Variants in HECTD4 observed in about 807,000 individuals in gnomAD.
HECTD4 encodes probable E3 ubiquitin-protein ligase HECTD4.
In HECTD4, 114 loss-of-function variants were observed where a neutral mutation model predicts 471.5. The observed-to-expected ratio is 0.24, with a 90% CI of 0.21 to 0.28. The LOEUF is 0.28. Ranked by LOEUF, HECTD4 falls within the 10% of genes least tolerant of loss-of-function variation. The probability of loss-of-function intolerance (pLI) is 1.00; values close to 1 mark genes in which losing one functional copy is unlikely to be tolerated. For missense variants in HECTD4, 3,866 were observed against 5,651.5 expected, an observed-to-expected ratio of 0.68 and a Z score of 10.13; for synonymous variants, 2,012 against 2,256.0, an observed-to-expected ratio of 0.89 and a Z score of 3.07.
At chr12:112,378,336 A>G (rs2036822522) in intron 1 of HECTD4, among the ~76,000 whole-genome samples, 1 of 151,810 alleles carries the variant, frequency 6.6e-6, no homozygotes, top group Non-Finnish European at 1.5e-5. Context: ...CTCCTGCCTC[A>G]GCCTCCCGAG....
At chr12:112,344,649 T>A (rs1231049965) in intron 1 of HECTD4, among the ~76,000 whole-genome samples, 1 of 152,196 alleles carries the variant, frequency 6.6e-6, no homozygotes, top group Non-Finnish European at 1.5e-5. Context: ...CCAGATGTGG[T>A]AGCTCACACC....
At chr12:112,189,899 A>G (rs1270514106) in intron 60 of HECTD4, among the ~76,000 whole-genome samples, 2 of 152,068 alleles carry the variant, frequency 1.3e-5, no homozygotes, top group Non-Finnish European at 2.9e-5. Flanking sequence ...GACTACAGGC[A>G]TGCACCACCA....
intron 67 of HECTD4, among the ~76,000 whole-genome samples, chr12:112,171,543 C>T (rs995017287): frequency 5.9e-5 from 9 of 152,214 alleles, no homozygotes; most frequent in Admixed American, 2.6e-4. Context: ...CTGTGCACTA[C>T]GTTAGTTTTT....
chr12:112,320,733 T>G (rs913019850), intron 1 of HECTD4, among the ~76,000 whole-genome samples: 2 of 152,170 alleles, frequency 1.3e-5, no homozygotes, highest in Non-Finnish European at 2.9e-5. Context: ...TAACTCCTAT[T>G]ACCAGATAGA....
chr12:112,356,412 T>C (rs1034903635), intron 1 of HECTD4, among the ~76,000 whole-genome samples: 2 of 152,052 alleles, frequency 1.3e-5, no homozygotes, highest in Non-Finnish European at 1.5e-5. Flanking sequence ...ACTCTCTTTC[T>C]GGTGTGTGTT....
chr12:112,291,416 A>G (rs2034882657), intron 7 of HECTD4, among the ~76,000 whole-genome samples: 2 of 152,118 alleles, frequency 1.3e-5, no homozygotes, highest in Admixed American at 6.5e-5. Context: ...TGAGTCCATA[A>G]TTCAATTTCC....
chr12:112,323,021 G>A (rs950521850), intron 1 of HECTD4: 12 of 197,916 alleles, frequency 6.1e-5, no homozygotes, highest in African/African-American at 2.9e-4. Context: ...GCAGGACAAA[G>A]AAAGGCTGCA....
intron 37 of HECTD4, 84 bp downstream of exon 37, chr12:112,234,993 T>C (rs1001302103): frequency 2.4e-6 from 3 of 1,251,826 alleles, no homozygotes; most frequent in South Asian, 1.5e-5. Flanking sequence ...AGGCAGTCGA[T>C]ACATGTACAG....
chr12:112,171,870 C>T lies in HECTD4; in HGVS notation c.11786-607G>A, dbSNP rs560547048. On this transcript the variant is annotated intron_variant, in intron 67 of 75. Transcript: ENST00000682272. ...TCGCCAATACCTTGTAAACGGGGGGCGTCTGGGAATTAACAATTTATTTTT... is the reference window on the plus strand; with the variant it reads ...TCGCCAATACCTTGTAAACGGGGGGTGTCTGGGAATTAACAATTTATTTTT... 1.8e-4 allele frequency among the ~76,000 whole-genome samples: 27 copies of T among 152,234 alleles called. 1 individual carries two copies. In the South Asian group the frequency reaches 4.2e-3, roughly 23 times the overall value.
intron 2 of HECTD4, among the ~76,000 whole-genome samples, chr12:112,314,759 T>C (rs1269591637): frequency 6.6e-6 from 1 of 152,208 alleles, no homozygotes; most frequent in Non-Finnish European, 1.5e-5. Flanking sequence ...ACCATGCCAA[T>C]TATGAAGAAG....
Position 112,176,693 on chromosome 12 carries a change from G to A in HECTD4, c.11373C>T (p.Ala3791=). 1.2e-6 allele frequency: 2 copies of A among 1,613,120 alleles called. No individual in the cohort carries two copies. The highest frequency in any genetic ancestry group is 1.7e-6 in the Non-Finnish European group (2 of 1,179,108). The part of the protein sequence containing the change: ...KAVLNSVSRT[A]LSEKKPTVKP... ...TCACAGTTGGCTTCTTCTCACTTAAGGCAGTCCTGCTGTAGACCAAAGCAC... is the reference window on the plus strand; with the variant it reads ...TCACAGTTGGCTTCTTCTCACTTAAAGCAGTCCTGCTGTAGACCAAAGCAC... Residue 3791 remains alanine, a synonymous_variant, in exon 65 of 76, where the codon GCC becomes GCT. Transcript: ENST00000682272.
chr12:112,248,561 C>T, intron 25 of HECTD4, 49 bp from the exon 26 acceptor site: 1 of 1,210,386 alleles, frequency 8.3e-7, no homozygotes, highest in South Asian at 1.7e-5. Context: ...CTCTCAGCTT[C>T]TCAATACTGT....
chr12:112,187,253 G>C (rs1007004182), intron 60 of HECTD4, among the ~76,000 whole-genome samples: 1 of 152,234 alleles, frequency 6.6e-6, no homozygotes, highest in African/African-American at 2.4e-5. Context: ...TGGGATTATA[G>C]GTGTGAGCCA....
chr12:112,267,591 A>T (rs2034307857), intron 13 of HECTD4, among the ~76,000 whole-genome samples: 2 of 152,158 alleles, frequency 1.3e-5, no homozygotes, highest in Admixed American at 1.3e-4. Context: ...TACCCAAATG[A>T]TAAGTACTTG....
Position 112,172,738 on chromosome 12 carries a change from C to T in HECTD4, c.11718G>A (p.Arg3906=), listed in dbSNP as rs754119753. 6.2e-7 allele frequency: 1 copy of T among 1,613,994 alleles called. No individual in the cohort carries two copies. Among genetic ancestry groups the T allele is most frequent in the South Asian group, 1.1e-5 (1 of 91,086 alleles). The change falls in exon 67 of 76, where the codon CGG becomes CGA. Residue 3906 remains arginine (R), a synonymous_variant. Transcript: ENST00000682272. The part of the protein sequence containing the change: ...LCRHLAITPA[R]LHPHEVYLDP... Reference sequence around the variant, plus strand: ...CCAGGTACACCTCATGGGGATGGAGCCGTGCGGGTGTGATGGCGAGGTGGC... The same window carrying T: ...CCAGGTACACCTCATGGGGATGGAGTCGTGCGGGTGTGATGGCGAGGTGGC...
At chr12:112,227,675 G>T (rs2033277147) in intron 43 of HECTD4, among the ~76,000 whole-genome samples, 1 of 151,820 alleles carries the variant, frequency 6.6e-6, no homozygotes, top group African/African-American at 2.4e-5. Context: ...TTTCGCTCTT[G>T]TTGCCCAGGC....
Position 112,184,213 on chromosome 12 carries a change from G to T in HECTD4, c.10753C>A (p.Pro3585Thr), listed in dbSNP as rs747854647. 1.2e-6 allele frequency: 2 copies of T among 1,612,426 alleles called. No homozygotes were observed. Among genetic ancestry groups the T allele is most frequent in the Non-Finnish European group, 1.7e-6 (2 of 1,179,256 alleles). Residue 3585 changes from proline (P) to threonine (T), a missense_variant, in exon 61 of 76, where the codon CCC becomes ACC. This residue lies in a region of HECTD4 where 192 missense variants were observed against 189.9 expected (regional missense o/e 1.01). Transcript: ENST00000682272. The surrounding 1 kb of genome is among the most constrained non-coding windows in gnomAD (Gnocchi z 9.1). Reference sequence around the variant, plus strand: ...TCCACGACTGCGAAGCCTTTGATGGGGCGGGCGGCGAGGGGCTGGTTGTCC... The same window carrying T: ...TCCACGACTGCGAAGCCTTTGATGGTGCGGGCGGCGAGGGGCTGGTTGTCC... ...SLDNQPLAAR[P>T]IKGFAVVEIR...
Position 112,319,344 on chromosome 12 carries a change from G to C in HECTD4, c.576C>G (p.Leu192=). The C allele has an allele frequency of 6.5e-7, 1 of 1,536,118 alleles. No homozygotes were observed. The highest frequency in any genetic ancestry group is 1.4e-5 in the African/African-American group (1 of 73,162). Residue 192 remains leucine (L), a synonymous_variant, in exon 2 of 76, where the codon CTC becomes CTG. Transcript: ENST00000682272. The surrounding 1 kb of genome is among the most constrained non-coding windows in gnomAD (Gnocchi z 5.3). ...LSLTKEPADC[L]NGIETLLCSW... ...AGCACAGCAAAGTTTCAATTCCATT[G>C]AGACAGTCAGCAGGCTCCTTGGTCA...
At chr12:112,232,953 G>T in intron 38 of HECTD4, 51 bp downstream of exon 38, 2 of 1,440,084 alleles carry the variant, frequency 1.4e-6, no homozygotes, top group Non-Finnish European at 1.9e-6. Context: ...TCTAAAGCAT[G>T]ACAAATACTC....
Sources: gnomAD v4.1 joint callset for allele counts (sites outside exome capture counted in the v4.1 genomes callset) on GRCh38, gnomAD v4.1.1 for gene constraint, gnomAD v4.1.1 regional missense constraint, Gnocchi (gnomAD v3.1) non-coding constraint, MANE v1.5 for transcripts, NCBI Gene and HGNC (gene_info 2026-07-23, HGNC 2026-07-21) for gene names.